Variants in ZNF469 observed in about 807,000 individuals in gnomAD.
ZNF469 encodes zinc finger protein 469.
ZNF469 carries 1 observed loss-of-function variant against 1.0 expected under a neutral mutation model. The ratio of observed to expected loss-of-function variants is 1.00; its 90% CI spans 0.35 to 4.73. The LOEUF is 4.73. Among genes scored for constraint, ZNF469 ranks in the 30% most tolerant of loss-of-function variants. ZNF469 has a pLI of 0.16. For missense variants in ZNF469, 6,100 were observed against 5,356.3 expected (o/e 1.14, Z -4.33); for synonymous variants, 2,703 against 2,363.4 (o/e 1.14, Z -4.17).
chr16:88,255,929 T>A, the ZNF469 span, among the ~76,000 whole-genome samples: 3 of 152,242 alleles, frequency 2.0e-5, no homozygotes, highest in African/African-American at 7.2e-5. Flanking sequence ...TTGGCATGTT[T>A]CTGGTTGGAG....
the ZNF469 span, among the ~76,000 whole-genome samples, chr16:88,136,092 A>G: frequency 0.023 from 3,495 of 152,200 alleles, 124 homozygotes; most frequent in African/African-American, 0.08. Flanking sequence ...CAGCTGGACA[A>G]AGGTCCCCCA....
the ZNF469 span, among the ~76,000 whole-genome samples, chr16:88,189,384 T>C: frequency 1.1e-4 from 17 of 152,256 alleles, no homozygotes; most frequent in East Asian, 3.1e-3. This position sits in a 1 kb window ranked among gnomAD's most constrained non-coding sequence, Gnocchi z 4.3. Context: ...GATGTGATGG[T>C]TCTTCCCAGC....
At chr16:88,397,058 G>T (rs1599348243) in intron 1 of ZNF469, among the ~76,000 whole-genome samples, 1 of 151,934 alleles carries the variant, frequency 6.6e-6, no homozygotes, top group East Asian at 1.9e-4. Flanking sequence ...AGGCCGGGAG[G>T]AGACCCTTCT....
At chr16:88,256,897 T>C in the ZNF469 span, among the ~76,000 whole-genome samples, 1 of 22,496 alleles carries the variant, frequency 4.4e-5, no homozygotes, top group Non-Finnish European at 9.4e-5. Flanking sequence ...TTTCTTTCCT[T>C]CTTTCTTTCT....
At chr16:88,396,271 G>T (rs1904655068) in intron 1 of ZNF469, among the ~76,000 whole-genome samples, 1 of 152,280 alleles carries the variant, frequency 6.6e-6, no homozygotes. Context: ...GGGCCGGCAG[G>T]TATCTGCCTG....
intron 1 of ZNF469, among the ~76,000 whole-genome samples, chr16:88,420,577 C>G (rs541705859): frequency 6.6e-6 from 1 of 152,172 alleles, no homozygotes; most frequent in Non-Finnish European, 1.5e-5. Flanking sequence ...GGATGTGGAA[C>G]GACAGGCGCC....
chr16:88,244,399 G>A, the ZNF469 span, among the ~76,000 whole-genome samples: 1 of 101,952 alleles, frequency 9.8e-6, no homozygotes, highest in African/African-American at 2.9e-5. Context: ...ATGGGTGGAT[G>A]GATGGATGGA....
At chr16:88,258,211 G>GGTGT in the ZNF469 span, among the ~76,000 whole-genome samples, 1 of 151,236 alleles carries the variant, frequency 6.6e-6, no homozygotes, top group Non-Finnish European at 1.5e-5. Flanking sequence ...ACAGAGAAAG[G>GGTGT]GTGTGTGTGT....
chr16:88,381,000 ACTCACACACATGCG>A (rs2092521825), upstream of ZNF469, among the ~76,000 whole-genome samples: 12 of 144,868 alleles, frequency 8.3e-5, no homozygotes, highest in South Asian at 2.4e-4. Context: ...ACAGACATGC[ACTCACACACATGCG>A]CTCACAGACA....
chr16:88,302,010 G>A, the ZNF469 span, among the ~76,000 whole-genome samples: 2 of 152,232 alleles, frequency 1.3e-5, no homozygotes, highest in East Asian at 3.8e-4. Flanking sequence ...GAGGCTCAGG[G>A]AAGCCCTGAG....
the ZNF469 span, among the ~76,000 whole-genome samples, chr16:88,272,543 T>A: frequency 1.3e-5 from 2 of 151,426 alleles, no homozygotes; most frequent in African/African-American, 4.8e-5. Flanking sequence ...GATAGATGAA[T>A]GAACAGGTGG....
chr16:88,342,059 A>G, the ZNF469 span, among the ~76,000 whole-genome samples: 1 of 151,970 alleles, frequency 6.6e-6, no homozygotes, highest in African/African-American at 2.4e-5. Context: ...GCAAGCAGCA[A>G]CATGTGCAGG....
At chr16:88,147,262 C>A in the ZNF469 span, among the ~76,000 whole-genome samples, 1 of 152,088 alleles carries the variant, frequency 6.6e-6, no homozygotes, top group Admixed American at 6.5e-5. Flanking sequence ...GGGGAAGATT[C>A]TCCCCTGGAG....
chr16:88,188,497 C>T, the ZNF469 span, among the ~76,000 whole-genome samples: 2 of 152,194 alleles, frequency 1.3e-5, no homozygotes, highest in African/African-American at 2.4e-5. Flanking sequence ...CGAAGTGCAG[C>T]TCCTGGATGG....
chr16:88,357,290 C>T, the ZNF469 span, among the ~76,000 whole-genome samples: 2 of 152,256 alleles, frequency 1.3e-5, no homozygotes, highest in Non-Finnish European at 2.9e-5. Flanking sequence ...AACCTCTCTG[C>T]AGAGGTGGTG....
In ZNF469 at chr16:88,436,480, G is replaced by T. The variant is rs772048540; in HGVS notation, c.9010G>T (p.Ala3004Ser). Residue 3004 changes from alanine (A) to serine (S), a missense_variant, in exon 3 of 3, where the codon GCC (alanine) becomes TCC (serine). Ala to Ser is a moderately conservative substitution (Grantham distance 99). Transcript: ENST00000565624. ...PAAWRGLEMPAPADDSSSSLG... is the reference protein window; with the variant it reads ...PAAWRGLEMPSPADDSSSSLG... ...GGCTTGGCGAGGCCTGGAGATGCCG[G>T]CCCCTGCCGATGACTCCTCCTCTTC... is the stretch of plus-strand genomic sequence containing the variant. The T allele has an allele frequency of 6.5e-7, 1 of 1,546,776 alleles. No individual in the cohort carries two copies.
At chr16:88,189,975 T>C in the ZNF469 span, among the ~76,000 whole-genome samples, 1 of 152,126 alleles carries the variant, frequency 6.6e-6, no homozygotes, top group Admixed American at 6.5e-5. The surrounding 1 kb of genome is among the most constrained non-coding windows in gnomAD (Gnocchi z 4.3). Context: ...GCAACCAGAC[T>C]CTGGGGAACT....
the ZNF469 span, among the ~76,000 whole-genome samples, chr16:88,377,584 C>A: frequency 1.1e-3 from 174 of 152,316 alleles, 1 homozygote; most frequent in African/African-American, 4.0e-3. Flanking sequence ...TCTCCTTGGA[C>A]CGGGCTCAGC....
the ZNF469 span, among the ~76,000 whole-genome samples, chr16:88,117,736 A>T: frequency 2.0e-5 from 3 of 152,132 alleles, no homozygotes; most frequent in East Asian, 1.9e-4. Flanking sequence ...ATGCTGCCGC[A>T]CTGTTGCTGG....
Sources: gnomAD v4.1 joint callset for allele counts (sites outside exome capture counted in the v4.1 genomes callset) on GRCh38, gnomAD v4.1.1 for gene constraint, Gnocchi (gnomAD v3.1) non-coding constraint, MANE v1.5 for transcripts, NCBI Gene and HGNC (gene_info 2026-07-23, HGNC 2026-07-21) for gene names.